Variants in EEF2K observed in about 807,000 individuals in gnomAD.
The protein encoded by EEF2K is eukaryotic elongation factor 2 kinase.
EEF2K carries 70 observed loss-of-function variants against 93.8 expected under a neutral mutation model. The observed-to-expected ratio is 0.75, with a 90% CI of 0.62 to 0.91. EEF2K has a LOEUF of 0.91. Ranked by LOEUF, EEF2K falls within the 40% of genes least tolerant of loss-of-function variation. EEF2K has a pLI of 0.00. For missense variants in EEF2K, 935 were observed against 972.9 expected (o/e 0.96, Z 0.52); for synonymous variants, 376 against 380.8 (o/e 0.99, Z 0.15).
intron 17 of EEF2K, among the ~76,000 whole-genome samples, chr16:22,281,983 G>A (rs1221305093): frequency 6.6e-6 from 1 of 152,114 alleles, no homozygotes; most frequent in Admixed American, 6.5e-5. Context: ...AAAAATTGCT[G>A]GGCACAGTGG....
intron 1 of EEF2K, among the ~76,000 whole-genome samples, chr16:22,220,940 G>A (rs2047005975): frequency 1.3e-5 from 2 of 152,216 alleles, no homozygotes; most frequent in African/African-American, 4.8e-5. Flanking sequence ...CAGAGTAGGC[G>A]CTGGGGCTGG....
chr16:22,208,089 G>A (rs981383832), intron 1 of EEF2K, among the ~76,000 whole-genome samples: 18 of 152,168 alleles, frequency 1.2e-4, no homozygotes, highest in African/African-American at 4.3e-4. Flanking sequence ...ATTGGCGTCC[G>A]CCCTCCTCTC....
At chr16:22,231,274 A>T (rs1739958539) in intron 2 of EEF2K, among the ~76,000 whole-genome samples, 2 of 151,380 alleles carry the variant, frequency 1.3e-5, no homozygotes, top group African/African-American at 4.9e-5. Context: ...TTGTTTATTT[A>T]TTTATTTATT....
intron 2 of EEF2K, among the ~76,000 whole-genome samples, chr16:22,236,162 A>T (rs186396572): frequency 6.6e-6 from 1 of 152,026 alleles, no homozygotes; most frequent in East Asian, 1.9e-4. Context: ...CAAACCTCTA[A>T]GTGCATGTGG....
intron 11 of EEF2K, among the ~76,000 whole-genome samples, chr16:22,262,146 T>C (rs1475394867): frequency 6.6e-6 from 1 of 152,188 alleles, no homozygotes; most frequent in Non-Finnish European, 1.5e-5. Context: ...GGTACATGGC[T>C]GAAGTTTTAG....
chr16:22,223,202 T>C (rs2047031065), intron 1 of EEF2K, among the ~76,000 whole-genome samples: 2 of 151,414 alleles, frequency 1.3e-5, no homozygotes, highest in East Asian at 3.9e-4. Context: ...CACCTAGGAG[T>C]GGAATTGCTG....
chr16:22,283,094 C>T (rs546187193), intron 17 of EEF2K, among the ~76,000 whole-genome samples: 14 of 152,112 alleles, frequency 9.2e-5, no homozygotes, highest in Non-Finnish European at 1.8e-4. Flanking sequence ...AGATCACCTG[C>T]GGTCAGGAGA....
chr16:22,235,962 T>A (rs2047163791), intron 2 of EEF2K, among the ~76,000 whole-genome samples: 1 of 151,988 alleles, frequency 6.6e-6, no homozygotes, highest in Admixed American at 6.6e-5. Flanking sequence ...CACGCCTGGC[T>A]AATTTTTGTA....
intron 17 of EEF2K, among the ~76,000 whole-genome samples, chr16:22,283,248 A>G (rs1030608323): frequency 1.3e-5 from 2 of 148,344 alleles, no homozygotes; most frequent in African/African-American, 2.5e-5. Context: ...GGCAGTGGTG[A>G]CAGTGAGCTA....
intron 2 of EEF2K, among the ~76,000 whole-genome samples, chr16:22,238,027 C>T (rs977456474): frequency 2.6e-5 from 4 of 152,008 alleles, no homozygotes; most frequent in East Asian, 1.9e-4. Flanking sequence ...CGGTGGCTCA[C>T]GCCTGTAATC....
intron 1 of EEF2K, among the ~76,000 whole-genome samples, chr16:22,212,296 T>G (rs1163846603): frequency 6.6e-6 from 1 of 152,142 alleles, no homozygotes; most frequent in Admixed American, 6.5e-5. Flanking sequence ...AGGTTGCTGT[T>G]TACATCGGTA....
chr16:22,271,052 C>T (rs1472314942), intron 15 of EEF2K, among the ~76,000 whole-genome samples: 1 of 151,262 alleles, frequency 6.6e-6, no homozygotes, highest in Non-Finnish European at 1.5e-5. Context: ...TCACTGCAAC[C>T]TCCGCCTCCC....
intron 6 of EEF2K, among the ~76,000 whole-genome samples, chr16:22,254,356 CAGAACCCATTGAAGCCTTGTTT>C (rs1196893569): frequency 7.2e-5 from 11 of 152,152 alleles, no homozygotes; most frequent in Non-Finnish European, 1.2e-4. Flanking sequence ...GGCCGGTTCT[CAGAACCCATTGAAGCCTTGTTT>C]GGGGCAAGTT....
At position 22,250,633 on chromosome 16, in the gene EEF2K, ACT is replaced by A. The variant is rs1567276264; in HGVS notation, c.409-18_409-17del. The A allele has an allele frequency of 6.8e-6, 11 of 1,613,970 alleles. No individual in the cohort carries two copies. The highest frequency in any genetic ancestry group is 1.7e-5 in the Admixed American group (1 of 59,990). On this transcript the variant is annotated intron_variant, in intron 4 of 17. Transcript: ENST00000263026. ...TGGGTGGGGCATGGGGACTGATAACACTCTGTGTGGTGTCTTTCAGCCCTTCG... is the reference window on the plus strand; with the variant it reads ...TGGGTGGGGCATGGGGACTGATAACACTGTGTGGTGTCTTTCAGCCCTTCG...
intron 11 of EEF2K, among the ~76,000 whole-genome samples, chr16:22,261,899 G>A (rs960836412): frequency 6.6e-6 from 1 of 151,572 alleles, no homozygotes; most frequent in African/African-American, 2.4e-5. Context: ...CAGCTACTTA[G>A]GAGGCTGAGG....
At position 22,284,252 on chromosome 16, in the gene EEF2K, A is replaced by C; in HGVS notation, c.*256A>C. 1 of 439,146 alleles carries C rather than the reference A, an allele frequency of 2.3e-6. No homozygotes were observed. The allele number at this position is 439,146 out of a possible 1,614,324, so 27.2% of individuals were successfully genotyped here. ...TGAAGAAGCAGCCTAATGAACCAAC[A>C]TACCGTTTTGTGTGTGGTTTTTTTT... On this transcript the variant is annotated 3_prime_UTR_variant, in exon 18 of 18. Transcript: ENST00000263026.
chr16:22,241,402 T>C (rs1477241695), intron 2 of EEF2K, among the ~76,000 whole-genome samples: 1 of 152,006 alleles, frequency 6.6e-6, no homozygotes, highest in East Asian at 1.9e-4. Flanking sequence ...CCCAGCACTT[T>C]GGGAGGCCAA....
chr16:22,213,579 T>C (rs1421697324), intron 1 of EEF2K, among the ~76,000 whole-genome samples: 3 of 152,238 alleles, frequency 2.0e-5, no homozygotes, highest in Admixed American at 1.3e-4. Context: ...TTGCTGCAAT[T>C]ACTTAGTGGC....
chr16:22,244,778 C>T, intron 3 of EEF2K, 48 bp downstream of exon 3: 1 of 1,592,914 alleles, frequency 6.3e-7, no homozygotes. Flanking sequence ...GCTATACGTC[C>T]AGCTTCTGTT....
Sources: allele counts gnomAD v4.1 joint callset (sites outside exome capture counted in the v4.1 genomes callset), GRCh38; gene constraint gnomAD v4.1.1; transcripts MANE v1.5; gene names NCBI Gene and HGNC (gene_info 2026-07-23, HGNC 2026-07-21).